Variants in SLC12A7 observed in about 807,000 individuals in gnomAD.
SLC12A7 encodes the protein solute carrier family 12 member 7, also known as K-Cl cotransporter 4.
SLC12A7 carries 100 observed loss-of-function variants against 120.6 expected under a neutral mutation model. The observed-to-expected ratio is 0.83, with a 90% CI of 0.71 to 0.98. The LOEUF (loss-of-function observed/expected upper bound fraction) is 0.98, where lower values mean the gene tolerates loss of function less well. SLC12A7 is among the 50% of genes least tolerant of loss of function. The pLI is 0.00. For missense variants in SLC12A7, 1,373 were observed against 1,548.1 expected, an observed-to-expected ratio of 0.89 and a Z score of 1.90; for synonymous variants, 760 against 678.0, an observed-to-expected ratio of 1.12 and a Z score of -1.88.
chr5:1,076,835 AT>A, intron 12 of SLC12A7, 23 bp from the exon 13 acceptor site: 1 of 1,500,994 alleles, frequency 6.7e-7, no homozygotes, highest in Non-Finnish European at 9.2e-7. Context: ...GGGCAGGAAG[AT>A]GGGGCAGATG....
upstream of SLC12A7, among the ~76,000 whole-genome samples, chr5:1,112,881 C>A (rs188371899): frequency 2.3e-5 from 3 of 128,892 alleles, no homozygotes; most frequent in Non-Finnish European, 3.3e-5. Context: ...TCCCCCCCCC[C>A]ACCCATGACA....
rs747814918 is a variant in SLC12A7, at chr5:1,076,747, G to A, written c.1695C>T (p.Cys565=). 10 of 1,611,490 alleles carry A rather than the reference G, an allele frequency of 6.2e-6. No homozygotes were observed. Among genetic ancestry groups the A allele is most frequent in the East Asian group, 2.2e-5 (1 of 44,878 alleles). ...GAGAGGCGATGAGGATGCCAGTCTCGCAGATGAGGACTGTCAGCAGCAGCG... is the reference window on the plus strand; with the variant it reads ...GAGAGGCGATGAGGATGCCAGTCTCACAGATGAGGACTGTCAGCAGCAGCG... ...TWALLLTVLI[C]ETGILIASLD... Residue 565 remains cysteine, a synonymous_variant, in exon 13 of 24, where the codon TGC becomes TGT. Coordinates refer to ENST00000264930, the MANE Select transcript of SLC12A7 (RefSeq NM_006598.3).
intron 22 of SLC12A7, among the ~76,000 whole-genome samples, chr5:1,055,934 C>G (rs907740983): frequency 2.0e-5 from 3 of 152,194 alleles, no homozygotes; most frequent in African/African-American, 7.2e-5. Flanking sequence ...GCCACTCAGC[C>G]AAGGCGTTCC....
chr5:1,083,885 T>C lies in SLC12A7; in HGVS notation c.989A>G (p.His330Arg), dbSNP rs766225791. The C allele has an allele frequency of 5.6e-6, 9 of 1,608,626 alleles. No homozygotes were observed. The South Asian group carries it at 9.9e-5, about 18-fold the overall frequency. The change falls in exon 8 of 24, where the codon CAC (histidine) becomes CGC (arginine). Residue 330 changes from histidine (H) to arginine (R), a missense_variant. Coordinates refer to ENST00000264930, the MANE Select transcript of SLC12A7 (RefSeq NM_006598.3). Reference sequence around the variant, plus strand: ...GAGCGCGGAGGTGGCTGAGTTGTTGTGGATGCCGTAGGCCTTGACGCAGGC... The same window carrying C: ...GAGCGCGGAGGTGGCTGAGTTGTTGCGGATGCCGTAGGCCTTGACGCAGGC... The part of the protein sequence containing the change: ...FDACVKAYGI[H>R]NNSATSALWG...
At chr5:1,129,218 C>T in the SLC12A7 span, among the ~76,000 whole-genome samples, 1 of 152,198 alleles carries the variant, frequency 6.6e-6, no homozygotes, top group African/African-American at 2.4e-5. Flanking sequence ...AGCCAGCCGC[C>T]ACTGCTGCCG....
chr5:1,116,513 C>T (rs981260757), upstream of SLC12A7, among the ~76,000 whole-genome samples: 1 of 152,202 alleles, frequency 6.6e-6, no homozygotes, highest in Admixed American at 6.5e-5. Context: ...TAAGTGACGC[C>T]AACAGAAGGT....
the SLC12A7 span, among the ~76,000 whole-genome samples, chr5:1,149,133 C>T: frequency 7.0e-5 from 4 of 57,228 alleles, no homozygotes; most frequent in Admixed American, 2.0e-4. Context: ...CCTACGATGC[C>T]GCACCCAGAA....
rs1561044275 is a variant in SLC12A7 at position 1,065,195 on chromosome 5, AG to A, written c.2437+87del. On this transcript the variant is annotated intron_variant, in intron 18 of 23. Transcript: ENST00000264930. ...GTGAGAGGACAGCGAGGGGACACTG[AG>A]GAGACACACAGGGGACAGCGAGGGG... 4.5e-3 allele frequency: 3,227 copies of A among 725,042 alleles called. 4 individuals are homozygous for A. Among genetic ancestry groups the A allele is most frequent in the African/African-American group, 6.3e-3 (165 of 26,124 alleles). 44.9% of individuals were successfully genotyped at this position (725,042 alleles called of 1,614,324 possible).
At chr5:1,080,155 C>T (rs1280705967) in intron 9 of SLC12A7, among the ~76,000 whole-genome samples, 1 of 151,658 alleles carries the variant, frequency 6.6e-6, no homozygotes, top group Non-Finnish European at 1.5e-5. Flanking sequence ...GGCTCTGCCC[C>T]CACGCCCTCC....
chr5:1,138,258 G>A, the SLC12A7 span, among the ~76,000 whole-genome samples: 4 of 152,108 alleles, frequency 2.6e-5, no homozygotes, highest in African/African-American at 9.7e-5. Flanking sequence ...CACTGCCGGC[G>A]GGGTGGGGCA....
the SLC12A7 span, among the ~76,000 whole-genome samples, chr5:1,121,917 C>T: frequency 6.6e-6 from 1 of 152,086 alleles, no homozygotes; most frequent in Admixed American, 6.5e-5. Context: ...AGAGGGGGCC[C>T]CTTCATCAGC....
chr5:1,073,282 CG>C (rs200807951), intron 17 of SLC12A7, among the ~76,000 whole-genome samples: 1,907 of 114,140 alleles, frequency 0.017, 154 homozygotes, highest in African/African-American at 0.034. Context: ...CCCCAGCACA[CG>C]GGCATCACAC....
rs143043456 is a variant in SLC12A7, at chr5:1,105,814, C to G, written c.124+6054G>C. 8.0e-3 allele frequency among the ~76,000 whole-genome samples: 1,214 copies of G among 152,302 alleles called. 17 individuals carry two copies. Among genetic ancestry groups the G allele is most frequent in the African/African-American group, 0.027 (1,140 of 41,564 alleles). On this transcript the variant is annotated intron_variant, in intron 1 of 23. Coordinates refer to ENST00000264930, the MANE Select transcript of SLC12A7 (RefSeq NM_006598.3). ...CCCCCAGCCAGCTGCTCACCAGGCCCCAGACACCCCCAGCCCAGCCCACTG... is the reference window on the plus strand; with the variant it reads ...CCCCCAGCCAGCTGCTCACCAGGCCGCAGACACCCCCAGCCCAGCCCACTG...
At chr5:1,152,960 G>A in the SLC12A7 span, among the ~76,000 whole-genome samples, 1 of 152,232 alleles carries the variant, frequency 6.6e-6, no homozygotes, top group Non-Finnish European at 1.5e-5. Context: ...GGCGCCCAAC[G>A]CATGCCAATA....
chr5:1,138,889 G>T, the SLC12A7 span, among the ~76,000 whole-genome samples: 1 of 152,222 alleles, frequency 6.6e-6, no homozygotes, highest in Non-Finnish European at 1.5e-5. Flanking sequence ...TTTCTACCAG[G>T]TCCTTAACAC....
At position 1,089,189 on chromosome 5, in the gene SLC12A7, C is replaced by T. The variant is rs1740227514; in HGVS notation, c.343-61G>A. On this transcript the variant is annotated intron_variant, in intron 3 of 23. Coordinates refer to ENST00000264930, the MANE Select transcript of SLC12A7 (RefSeq NM_006598.3). ...CCCCACACCCAGAGGGAGCCCCCTC[C>T]CCAGGCTGCACTCAGGCCCTGGGCA... is the stretch of plus-strand genomic sequence containing the variant. The T allele has an allele frequency of 1.9e-6, 3 of 1,572,398 alleles. No homozygotes were observed. In the South Asian group the frequency reaches 3.5e-5, roughly 18 times the overall value.
chr5:1,069,265 C>T (rs1452795806), intron 17 of SLC12A7, among the ~76,000 whole-genome samples: 1 of 152,198 alleles, frequency 6.6e-6, no homozygotes, highest in Admixed American at 6.5e-5. Flanking sequence ...GGATCCTGGC[C>T]CTAGGCCACA....
intron 1 of SLC12A7, among the ~76,000 whole-genome samples, chr5:1,109,370 A>C (rs796721806): frequency 5.3e-5 from 8 of 152,308 alleles, no homozygotes; most frequent in African/African-American, 1.9e-4. Flanking sequence ...GGCCCCCAGC[A>C]GTGTCCTCCC....
At chr5:1,143,612 G>A in the SLC12A7 span, among the ~76,000 whole-genome samples, 1 of 152,214 alleles carries the variant, frequency 6.6e-6, no homozygotes, top group Non-Finnish European at 1.5e-5. Context: ...GCACGACTCA[G>A]TCGGCAGCTG....
Sources: gnomAD v4.1 joint callset for allele counts (sites outside exome capture counted in the v4.1 genomes callset) on GRCh38, gnomAD v4.1.1 for gene constraint, MANE v1.5 for transcripts, NCBI Gene and HGNC (gene_info 2026-07-23, HGNC 2026-07-21) for gene names.